The following DLG2 variants were observed in gnomAD, a reference collection of about 807,000 sequenced individuals.
The protein encoded by DLG2 is disks large homolog 2.
Under a neutral mutation model 132.5 loss-of-function variants are expected in DLG2, and 45 were observed. That is an observed-to-expected ratio of 0.34 (90% confidence interval 0.27 to 0.44). The LOEUF is 0.44. DLG2 is among the 20% of genes least tolerant of loss of function. The probability of loss-of-function intolerance (pLI) is 1.00; values close to 1 mark genes in which losing one functional copy is unlikely to be tolerated. For synonymous variants in DLG2, 424 were observed against 419.6 expected (o/e 1.01, Z -0.13); for missense variants, 1,045 against 1,196.9 (o/e 0.87, Z 1.87).
intron 11 of DLG2, among the ~76,000 whole-genome samples, chr11:83,997,048 A>G (rs1474670430): frequency 1.3e-5 from 2 of 152,040 alleles, no homozygotes; most frequent in Admixed American, 1.3e-4. Context: ...ACTTCGCGTG[A>G]CATGCCTGTA....
chr11:84,646,944 G>A (rs1020767556), intron 6 of DLG2, among the ~76,000 whole-genome samples: 6 of 152,018 alleles, frequency 3.9e-5, no homozygotes, highest in Non-Finnish European at 7.4e-5. Flanking sequence ...GTCATCAAAG[G>A]GCTTAAAGTG....
intron 19 of DLG2, among the ~76,000 whole-genome samples, chr11:83,568,384 T>G (rs530839325): frequency 6.6e-6 from 1 of 152,070 alleles, no homozygotes; most frequent in African/African-American, 2.4e-5. Context: ...AGGGTGAGCA[T>G]GAGGTACCTA....
chr11:84,511,503 C>A (rs1275240365), intron 7 of DLG2, among the ~76,000 whole-genome samples: 3 of 152,098 alleles, frequency 2.0e-5, no homozygotes, highest in Non-Finnish European at 4.4e-5. Flanking sequence ...TCTTCTACAG[C>A]ATCTGAAATA....
intron 6 of DLG2, among the ~76,000 whole-genome samples, chr11:84,885,430 G>A (rs2088098022): frequency 6.6e-6 from 1 of 152,002 alleles, no homozygotes; most frequent in Non-Finnish European, 1.5e-5. Flanking sequence ...AAACTCCTGG[G>A]CTCAAGTGAT....
chr11:83,965,323 C>A lies in DLG2; in HGVS notation c.1201+1G>T. On this transcript the variant is annotated splice_donor_variant, in intron 13 of 27. Coordinates refer to ENST00000376104, the MANE Select transcript of DLG2 (RefSeq NM_001142699.3). LOFTEE classifies it high-confidence loss of function. The stretch of plus-strand genomic sequence containing the variant: ...TATTTGAAGATGACAATGGTACTTA[C>A]AGTGAGTAATATCAGGTGGACCATA... The A allele has an allele frequency of 6.2e-7, 1 of 1,603,656 alleles. No individual in the cohort carries two copies. Among genetic ancestry groups the A allele is most frequent in the Non-Finnish European group, 8.5e-7 (1 of 1,175,820 alleles).
chr11:84,718,126 A>G (rs7114351), intron 6 of DLG2, among the ~76,000 whole-genome samples: 4,339 of 152,162 alleles, frequency 0.029, 167 homozygotes, highest in East Asian at 0.18. Context: ...CAACCCATCT[A>G]TAATTAACCT....
intron 6 of DLG2, among the ~76,000 whole-genome samples, chr11:85,055,378 C>T (rs1048808489): frequency 6.6e-5 from 10 of 152,112 alleles, no homozygotes; most frequent in Admixed American, 1.3e-4. Context: ...AAACAAGTCA[C>T]GAAGTCAGCC....
In DLG2 at chr11:84,239,189, T is replaced by G. The variant is rs1042932597; in HGVS notation, c.573+12049A>C. ...AATTTATTTATTTTATCATTTTTAT[T>G]ATTATTATTATTTGAGACCAAGTCT... On this transcript the variant is annotated intron_variant, in intron 8 of 27. Coordinates refer to ENST00000376104, the MANE Select transcript of DLG2 (RefSeq NM_001142699.3). Among the ~76,000 whole-genome samples the G allele has an allele frequency of 2.6e-5, 4 of 152,120 alleles. No homozygotes were observed. The East Asian group carries it at 7.7e-4, about 29-fold the overall frequency.
At chr11:84,292,317 C>T (rs1000525015) in intron 7 of DLG2, among the ~76,000 whole-genome samples, 1 of 152,072 alleles carries the variant, frequency 6.6e-6, no homozygotes, top group Non-Finnish European at 1.5e-5. Flanking sequence ...TTCTCTGGAC[C>T]TCTTTCCCCA....
chr11:83,981,868 T>G (rs1040196790), intron 11 of DLG2, among the ~76,000 whole-genome samples: 2 of 152,200 alleles, frequency 1.3e-5, no homozygotes, highest in Non-Finnish European at 2.9e-5. Flanking sequence ...AATCTTAACT[T>G]ATATTAAACT....
At chr11:84,287,741 GACACACACACACACAC>G (rs373708341) in intron 7 of DLG2, among the ~76,000 whole-genome samples, 7 of 139,186 alleles carry the variant, frequency 5.0e-5, no homozygotes, top group African/African-American at 1.1e-4. Context: ...CTCTCTCTTA[GACACACACACACACAC>G]ACACACACAC....
At chr11:85,572,882 A>G (rs2077925727) in intron 3 of DLG2, among the ~76,000 whole-genome samples, 1 of 152,198 alleles carries the variant, frequency 6.6e-6, no homozygotes, top group African/African-American at 2.4e-5. Flanking sequence ...CTCACGTTAA[A>G]CTGTAATCCT....
intron 11 of DLG2, among the ~76,000 whole-genome samples, chr11:84,034,679 C>T (rs939352928): frequency 6.6e-6 from 1 of 152,094 alleles, no homozygotes; most frequent in Admixed American, 6.6e-5. Flanking sequence ...AAATTTGCAT[C>T]CAGTGGACTA....
intron 3 of DLG2, among the ~76,000 whole-genome samples, chr11:85,385,044 C>A (rs1001125084): frequency 3.3e-5 from 5 of 152,162 alleles, no homozygotes; most frequent in African/African-American, 4.8e-5. Context: ...TTCCCCTGTG[C>A]CCTGCCTCCT....
intron 24 of DLG2, 89 bp from the exon 25 acceptor site, chr11:83,469,462 T>G (rs961175666): frequency 4.8e-5 from 46 of 964,362 alleles, no homozygotes; most frequent in Non-Finnish European, 7.1e-5. Context: ...TCCTCAACAT[T>G]GATATGTAGA....
At chr11:83,528,466 A>G (rs1008399263) in intron 21 of DLG2, among the ~76,000 whole-genome samples, 1 of 152,114 alleles carries the variant, frequency 6.6e-6, no homozygotes, top group Admixed American at 6.6e-5. Context: ...ACATGTCTGC[A>G]ATTTCCACTA....
intron 7 of DLG2, among the ~76,000 whole-genome samples, chr11:84,469,529 C>T (rs1272418927): frequency 6.6e-6 from 1 of 151,584 alleles, no homozygotes; most frequent in Non-Finnish European, 1.5e-5. Flanking sequence ...ACATTTGCAT[C>T]ACATATTGGT....
At chr11:85,446,855 T>C (rs1461506937) in intron 3 of DLG2, among the ~76,000 whole-genome samples, 1 of 151,952 alleles carries the variant, frequency 6.6e-6, no homozygotes, top group Admixed American at 6.6e-5. Flanking sequence ...TATTTTAAAA[T>C]TTAGAATGTA....
chr11:84,335,735 T>G (rs144125199), intron 7 of DLG2, among the ~76,000 whole-genome samples: 28 of 152,334 alleles, frequency 1.8e-4, no homozygotes, highest in Admixed American at 1.1e-3. Context: ...TTCAGCCTCA[T>G]CTAACTTCAT....
Sources: gnomAD v4.1 joint callset for allele counts (sites outside exome capture counted in the v4.1 genomes callset) on GRCh38, gnomAD v4.1.1 for gene constraint, MANE v1.5 for transcripts, NCBI Gene and HGNC (gene_info 2026-07-23, HGNC 2026-07-21) for gene names.